HACD3: variants seen among roughly 807,000 people sequenced by gnomAD.
HACD3 encodes the protein very-long-chain (3R)-3-hydroxyacyl-CoA dehydratase 3.
HACD3 carries 30 observed loss-of-function variants against 55.2 expected under a neutral mutation model. The ratio of observed to expected loss-of-function variants is 0.54; its 90% CI spans 0.41 to 0.74. The LOEUF (loss-of-function observed/expected upper bound fraction) is 0.74. Among genes scored for constraint, HACD3 ranks in the 30% least tolerant of loss-of-function variants. The pLI is 0.00. For missense variants in HACD3, 363 were observed against 440.1 expected (o/e 0.82, Z 1.57); for synonymous variants, 141 against 151.7 (o/e 0.93, Z 0.52).
At chr15:65,531,072 G>C (rs1232765885) in intron 1 of HACD3, among the ~76,000 whole-genome samples, 3 of 152,204 alleles carry the variant, frequency 2.0e-5, no homozygotes, top group East Asian at 3.9e-4. Flanking sequence ...GGCCCTTCGA[G>C]ATGTGGGATG....
intron 6 of HACD3, 70 bp downstream of exon 6, chr15:65,562,954 A>C: frequency 6.3e-7 from 1 of 1,575,454 alleles, no homozygotes. Context: ...CAAAGGGAGC[A>C]CTCTCTGCCT....
chr15:65,550,374 C>CA (rs1567334536), intron 1 of HACD3, among the ~76,000 whole-genome samples: 3 of 150,440 alleles, frequency 2.0e-5, no homozygotes, highest in Non-Finnish European at 3.0e-5. Context: ...GTGAATTTTT[C>CA]AAAAAAAAGA....
chr15:65,576,140 A>G (rs895175857), intron 10 of HACD3, among the ~76,000 whole-genome samples, 163 bp from the exon 11 acceptor site: 3 of 152,250 alleles, frequency 2.0e-5, no homozygotes, highest in East Asian at 1.9e-4. Flanking sequence ...CTTTGTGTCT[A>G]TTGTATTGTT....
At position 65,543,830 on chromosome 15, in the gene HACD3, A is replaced by G. The variant is rs2072045560; in HGVS notation, c.88-7846A>G. The stretch of plus-strand genomic sequence containing the variant: ...TGGCCAAGTTTGTGACAATTTGAAC[A>G]TCAACAAGAGTAATAATGGTAATGG... On this transcript the variant is annotated intron_variant, in intron 1 of 10. Transcript: ENST00000261875. Among the ~76,000 whole-genome samples the G allele has an allele frequency of 2.0e-5, 3 of 152,238 alleles. No homozygotes were observed. The South Asian group carries it at 6.2e-4, about 31-fold the overall frequency.
intron 1 of HACD3, among the ~76,000 whole-genome samples, chr15:65,544,011 C>T (rs1204300714): frequency 6.6e-6 from 1 of 151,990 alleles, no homozygotes; most frequent in East Asian, 1.9e-4. Context: ...CTCGTCTCTA[C>T]TAAAAATACA....
At chr15:65,572,899 A>G (rs1398873461) in intron 10 of HACD3, among the ~76,000 whole-genome samples, 2 of 147,818 alleles carry the variant, frequency 1.4e-5, no homozygotes, top group Non-Finnish European at 3.0e-5. Flanking sequence ...TGGGCGACAG[A>G]GCGGGACTTT....
intron 1 of HACD3, among the ~76,000 whole-genome samples, chr15:65,546,025 C>T (rs58500142): frequency 5.2e-4 from 79 of 152,356 alleles, no homozygotes; most frequent in African/African-American, 1.8e-3. Flanking sequence ...ACCCAAGCCA[C>T]ATGGAGTGGC....
At chr15:65,556,684 G>A (rs1596212702) in intron 3 of HACD3, 55 bp from the exon 4 acceptor site, 2 of 1,534,018 alleles carry the variant, frequency 1.3e-6, no homozygotes, top group Non-Finnish European at 1.8e-6. Flanking sequence ...CCCTGGCATG[G>A]TGCTGCTTCA....
intron 5 of HACD3, 61 bp from the exon 6 acceptor site, chr15:65,562,698 CCAGATATGCCTCATA>C: frequency 6.5e-7 from 1 of 1,539,464 alleles, no homozygotes; most frequent in Non-Finnish European, 8.8e-7. Flanking sequence ...TTGAAGTCAT[CCAGATATGCCTCATA>C]CACCTGTCTC....
Position 65,571,649 on chromosome 15 carries a change from C to T in HACD3, c.875C>T (p.Ala292Val), listed in dbSNP as rs755279233. 127 of 1,610,486 alleles carry T rather than the reference C, an allele frequency of 7.9e-5. No individual in the cohort carries two copies. Among genetic ancestry groups the T allele is most frequent in the East Asian group, 6.9e-4 (31 of 44,862 alleles). The change falls in exon 9 of 11, where the codon GCG becomes GTG. Residue 292 changes from alanine to valine, a missense_variant. By Grantham distance (64) the Ala-to-Val change is moderately conservative. Transcript: ENST00000261875. ...CCCTTATATCCACTGGGATGTTTGGCGGAAGGTACTCTCAGGGACTCTTAG... is the reference window on the plus strand; with the variant it reads ...CCCTTATATCCACTGGGATGTTTGGTGGAAGGTACTCTCAGGGACTCTTAG... ...WIPLYPLGCL[A>V]EAVSVIQSIP...
At chr15:65,537,040 A>C (rs1347991870) in intron 1 of HACD3, among the ~76,000 whole-genome samples, 1 of 152,238 alleles carries the variant, frequency 6.6e-6, no homozygotes, top group Non-Finnish European at 1.5e-5. Context: ...GTCTGGATAG[A>C]ATATAAATCA....
intron 5 of HACD3, 59 bp from the exon 6 acceptor site, chr15:65,562,715 A>T: frequency 1.3e-6 from 2 of 1,579,728 alleles, no homozygotes; most frequent in Non-Finnish European, 1.7e-6. Flanking sequence ...TGCCTCATAC[A>T]CCTGTCTCCT....
At chr15:65,539,491 G>T (rs982075297) in intron 1 of HACD3, among the ~76,000 whole-genome samples, 2 of 152,064 alleles carry the variant, frequency 1.3e-5, no homozygotes, top group Non-Finnish European at 2.9e-5. Context: ...AAAGCGCTAG[G>T]ATTACAGACG....
intron 1 of HACD3, among the ~76,000 whole-genome samples, chr15:65,537,843 T>C (rs1283035939): frequency 1.4e-5 from 2 of 143,264 alleles, no homozygotes; most frequent in African/African-American, 5.1e-5. Context: ...CTATGCTCTG[T>C]AAGTGGAACA....
rs1262505444 is a variant in HACD3 at position 65,551,391 on chromosome 15, C to A, written c.88-285C>A. On this transcript the variant is annotated intron_variant, in intron 1 of 10. Transcript: ENST00000261875. ...GTGTCATATCTCACATAGCACCTTG[C>A]ATGACTGGCCATTTTCAGAATGGAC... Among the ~76,000 whole-genome samples, 4 of 152,208 alleles carry A rather than the reference C, an allele frequency of 2.6e-5. No homozygotes were observed. The East Asian group carries it at 5.8e-4, about 22-fold the overall frequency.
intron 1 of HACD3, among the ~76,000 whole-genome samples, chr15:65,544,108 C>T (rs1479313425): frequency 6.6e-6 from 1 of 151,922 alleles, no homozygotes; most frequent in Admixed American, 6.6e-5. Flanking sequence ...ACCCGGGAGG[C>T]GGAGCTTGCA....
rs1245937758 is a variant in HACD3, at chr15:65,577,488, TAGC to T, written c.*1112_*1114del. The T allele has an allele frequency of 6.6e-6, 1 of 152,266 alleles. No individual in the cohort carries two copies. The highest frequency in any genetic ancestry group is 1.5e-5 in the Non-Finnish European group (1 of 68,328). 9.4% of individuals were successfully genotyped at this position (152,266 alleles called of 1,614,324 possible). Reference sequence around the variant, plus strand: ...ACACACACACACGAGGTCCAAATGGTAGCAGGGATCCAAAGGGAACACAGTATG... The same window carrying T: ...ACACACACACACGAGGTCCAAATGGTAGGGATCCAAAGGGAACACAGTATG... On this transcript the variant is annotated 3_prime_UTR_variant, in exon 11 of 11. Transcript: ENST00000261875.
chr15:65,566,842 A>T (rs1199584231), intron 7 of HACD3: 1 of 152,198 alleles, frequency 6.6e-6, no homozygotes, highest in Non-Finnish European at 1.5e-5. Context: ...CATTTTTTAT[A>T]ATATCCTTAT....
At chr15:65,554,847 C>T in intron 2 of HACD3, 40 bp from the exon 3 acceptor site, 3 of 1,480,638 alleles carry the variant, frequency 2.0e-6, no homozygotes, top group Non-Finnish European at 2.8e-6. Flanking sequence ...TGGCCTTGCT[C>T]TGCTCAAGTT....
Sources: gnomAD v4.1 joint callset for allele counts (sites outside exome capture counted in the v4.1 genomes callset) on GRCh38, gnomAD v4.1.1 for gene constraint, MANE v1.5 for transcripts, NCBI Gene and HGNC (gene_info 2026-07-23, HGNC 2026-07-21) for gene names.